Variants in CNTN4 observed in about 807,000 individuals in gnomAD.
CNTN4 encodes contactin 4.
In CNTN4, 77 loss-of-function variants were observed where a neutral mutation model predicts 122.5. The observed-to-expected ratio is 0.63, with a 90% CI of 0.52 to 0.76. The LOEUF is 0.76. Ranked by LOEUF, CNTN4 falls within the 30% of genes least tolerant of loss-of-function variation. CNTN4 has a pLI of 0.00. For missense variants in CNTN4, 1,256 were observed against 1,259.1 expected (o/e 1.00, Z 0.04); for synonymous variants, 512 against 447.0 (o/e 1.15, Z -1.83).
intron 3 of CNTN4, among the ~76,000 whole-genome samples, chr3:2,551,318 T>C (rs940165809): frequency 1.3e-5 from 2 of 152,048 alleles, no homozygotes; most frequent in African/African-American, 4.8e-5. Flanking sequence ...AAATCTAAAA[T>C]GTTATATGAA....
At chr3:2,292,084 C>T (rs1291120222) in intron 2 of CNTN4, among the ~76,000 whole-genome samples, 2 of 152,104 alleles carry the variant, frequency 1.3e-5, no homozygotes, top group African/African-American at 4.8e-5. Context: ...AATATTAATC[C>T]ATCACATAAT....
intron 4 of CNTN4, among the ~76,000 whole-genome samples, chr3:2,623,893 A>G (rs1356159760): frequency 6.6e-6 from 1 of 152,210 alleles, no homozygotes; most frequent in Non-Finnish European, 1.5e-5. Context: ...ACACATAGAA[A>G]AAAACAAAAC....
intron 2 of CNTN4, among the ~76,000 whole-genome samples, chr3:2,126,790 C>T (rs1465798996): frequency 6.6e-6 from 1 of 152,088 alleles, no homozygotes; most frequent in Non-Finnish European, 1.5e-5. Context: ...GCAATAGAGA[C>T]CTATTTAGGC....
At chr3:2,752,095 T>G (rs1203429660) in intron 6 of CNTN4, among the ~76,000 whole-genome samples, 1 of 151,804 alleles carries the variant, frequency 6.6e-6, no homozygotes, top group Non-Finnish European at 1.5e-5. Flanking sequence ...TGTTTTTTTG[T>G]CTGTTCTCTC....
intron 13 of CNTN4, among the ~76,000 whole-genome samples, chr3:2,963,822 G>C (rs2094885274): frequency 6.6e-6 from 1 of 152,150 alleles, no homozygotes; most frequent in South Asian, 2.1e-4. Flanking sequence ...ATCCTTAAGA[G>C]TAATGGCATT....
intron 2 of CNTN4, among the ~76,000 whole-genome samples, chr3:2,331,753 G>T (rs1262928309): frequency 6.6e-6 from 1 of 152,192 alleles, no homozygotes; most frequent in East Asian, 1.9e-4. Flanking sequence ...CCACACAGGG[G>T]CTCAAGACCC....
chr3:2,256,733 G>T (rs1021383429), intron 2 of CNTN4, among the ~76,000 whole-genome samples: 1 of 152,108 alleles, frequency 6.6e-6, no homozygotes, highest in African/African-American at 2.4e-5. Context: ...AACTTAAAAG[G>T]GATGTGAAGG....
chr3:2,396,261 G>A (rs192839517), intron 3 of CNTN4, among the ~76,000 whole-genome samples: 431 of 152,278 alleles, frequency 2.8e-3, no homozygotes, highest in African/African-American at 0.01. Flanking sequence ...CTGGGCTCGA[G>A]CCATCTGCCC....
chr3:2,825,977 G>C (rs2092978701), intron 7 of CNTN4, among the ~76,000 whole-genome samples: 1 of 152,072 alleles, frequency 6.6e-6, no homozygotes, highest in African/African-American at 2.4e-5. Context: ...GTCCTTTATA[G>C]TGTTTATAGT....
intron 3 of CNTN4, among the ~76,000 whole-genome samples, chr3:2,411,325 T>G (rs1445610815): frequency 6.6e-6 from 1 of 152,186 alleles, no homozygotes; most frequent in African/African-American, 2.4e-5. Flanking sequence ...ATCCCAGAAC[T>G]TAATAGAAAT....
intron 3 of CNTN4, among the ~76,000 whole-genome samples, chr3:2,467,949 G>A (rs996870712): frequency 3.3e-5 from 5 of 151,966 alleles, no homozygotes; most frequent in African/African-American, 9.7e-5. Context: ...TTTTATAGCC[G>A]ACAAACCTGA....
In CNTN4 at chr3:2,826,739, C is replaced by T. The variant is rs114578059; in HGVS notation, c.454+7158C>T. ...ATGCTGACAGGTCACTGAGCCAGGA[C>T]GAATCTTACTGTGCTAAAAGTGAGC... On this transcript the variant is annotated intron_variant, in intron 7 of 24. Transcript: ENST00000418658. Among the ~76,000 whole-genome samples the T allele has an allele frequency of 3.1e-3, 475 of 152,312 alleles. 3 individuals are homozygous for T. Among genetic ancestry groups the T allele is most frequent in the Non-Finnish European group, 5.0e-3 (338 of 68,034 alleles).
At chr3:2,248,064 T>C (rs1191243794) in intron 2 of CNTN4, among the ~76,000 whole-genome samples, 2 of 152,000 alleles carry the variant, frequency 1.3e-5, no homozygotes, top group Non-Finnish European at 2.9e-5. Flanking sequence ...CTCCTCATGC[T>C]AGGTTGTAAG....
chr3:2,561,572 T>A (rs1273394657), intron 3 of CNTN4, among the ~76,000 whole-genome samples: 1 of 152,082 alleles, frequency 6.6e-6, no homozygotes, highest in Non-Finnish European at 1.5e-5. Flanking sequence ...TGCTTGCCCC[T>A]CTTGTTTTTT....
intron 13 of CNTN4, among the ~76,000 whole-genome samples, chr3:2,982,679 G>A (rs958743053): frequency 1.3e-5 from 2 of 152,150 alleles, no homozygotes; most frequent in African/African-American, 4.8e-5. Flanking sequence ...CATCACTATA[G>A]ACAAGAGAAT....
intron 2 of CNTN4, among the ~76,000 whole-genome samples, chr3:2,237,544 G>C (rs769238752): frequency 1.3e-5 from 2 of 152,152 alleles, no homozygotes; most frequent in African/African-American, 4.8e-5. Context: ...TAAAAAGAGA[G>C]AGGGATTTCT....
chr3:3,009,536 C>T (rs1289575642), intron 14 of CNTN4, among the ~76,000 whole-genome samples: 4 of 151,112 alleles, frequency 2.6e-5, no homozygotes, highest in South Asian at 2.1e-4. Flanking sequence ...CGGGTTCCCG[C>T]CATTCTCCTG....
chr3:2,705,829 TATATATAATATATA>T (rs1219322895), intron 4 of CNTN4, among the ~76,000 whole-genome samples: 2 of 105,478 alleles, frequency 1.9e-5, no homozygotes, highest in African/African-American at 4.1e-5. Context: ...ATATAATAAA[TATATATAATATATA>T]ATATATAATA....
intron 4 of CNTN4, among the ~76,000 whole-genome samples, chr3:2,674,796 C>G (rs62232714): frequency 1.7e-4 from 26 of 150,688 alleles, no homozygotes; most frequent in African/African-American, 6.3e-4. Flanking sequence ...AAAAAAAAAC[C>G]ATTAACTGTG....
Sources: allele counts gnomAD v4.1 joint callset (sites outside exome capture counted in the v4.1 genomes callset), GRCh38; gene constraint gnomAD v4.1.1; transcripts MANE v1.5; gene names NCBI Gene and HGNC (gene_info 2026-07-23, HGNC 2026-07-21).